DCAF4: variants seen among roughly 807,000 people sequenced by gnomAD.
DCAF4 encodes the protein DDB1- and CUL4-associated factor 4.
A neutral mutation model predicts 60.9 loss-of-function variants in DCAF4; 37 were observed. That is an observed-to-expected ratio of 0.61 (90% CI 0.47 to 0.80). DCAF4 has a LOEUF of 0.80. Ranked by LOEUF, DCAF4 falls within the 30% of genes least tolerant of loss-of-function variation. DCAF4 has a pLI of 0.00. For synonymous variants in DCAF4, 243 were observed against 254.8 expected, an observed-to-expected ratio of 0.95 and a Z score of 0.44; for missense variants, 577 against 650.0, an observed-to-expected ratio of 0.89 and a Z score of 1.22.
intron 7 of DCAF4, 47 bp downstream of exon 7, chr14:72,946,074 G>T: frequency 7.6e-7 from 1 of 1,314,294 alleles, no homozygotes; most frequent in Non-Finnish European, 1.1e-6. Context: ...GACCCTGGGG[G>T]TAGTTGGCCA....
intron 13 of DCAF4, chr14:72,956,938 C>T (rs1055145298): frequency 1.4e-5 from 3 of 212,706 alleles, no homozygotes; most frequent in Non-Finnish European, 1.9e-5. Flanking sequence ...CCCGGCCCGG[C>T]GCGGTGGCTC....
chr14:72,951,538 G>T (rs1304891913), intron 8 of DCAF4, among the ~76,000 whole-genome samples: 1 of 152,148 alleles, frequency 6.6e-6, no homozygotes, highest in Admixed American at 6.5e-5. Flanking sequence ...TTGAACCTGG[G>T]AGGCAGAGGT....
downstream of DCAF4, among the ~76,000 whole-genome samples, chr14:72,961,641 T>C (rs898748305): frequency 2.6e-5 from 4 of 152,260 alleles, no homozygotes; most frequent in African/African-American, 9.6e-5. Flanking sequence ...TGCAGGGTTT[T>C]ATTTCTAGGA....
chr14:72,939,467 G>C (rs1237018128), intron 2 of DCAF4, among the ~76,000 whole-genome samples: 6 of 152,162 alleles, frequency 3.9e-5, no homozygotes, highest in Admixed American at 3.3e-4. Context: ...TGACAAATGA[G>C]CCCAGCTGGT....
At chr14:72,928,865 C>T (rs1888084883) in intron 1 of DCAF4, among the ~76,000 whole-genome samples, 1 of 152,102 alleles carries the variant, frequency 6.6e-6, no homozygotes, top group South Asian at 2.1e-4. Context: ...AGAACAGCCC[C>T]GAGGCCCCCA....
intron 4 of DCAF4, 103 bp from the exon 5 acceptor site, chr14:72,941,642 T>C (rs778924173): frequency 9.4e-7 from 1 of 1,066,420 alleles, no homozygotes; most frequent in Non-Finnish European, 1.4e-6. Flanking sequence ...GCCAATTTAG[T>C]GCCTGTTTCC....
At chr14:72,927,984 C>T (rs1387214442) in intron 1 of DCAF4, among the ~76,000 whole-genome samples, 3 of 151,726 alleles carry the variant, frequency 2.0e-5, no homozygotes, top group South Asian at 2.1e-4. Context: ...TAAGATGGGG[C>T]GGAGGGGTGT....
At chr14:72,953,410 T>C (rs1891702939) in intron 9 of DCAF4, among the ~76,000 whole-genome samples, 1 of 152,042 alleles carries the variant, frequency 6.6e-6, no homozygotes, top group Admixed American at 6.6e-5. Flanking sequence ...TGCAAAAGTT[T>C]ATTTTAAAAA....
intron 1 of DCAF4, among the ~76,000 whole-genome samples, chr14:72,932,085 T>G (rs1217823020): frequency 3.3e-5 from 5 of 151,248 alleles, no homozygotes; most frequent in Non-Finnish European, 7.4e-5. Context: ...GCCTCCCAGG[T>G]TCAAGCGATT....
rs1327466108 is a variant in DCAF4 at position 72,953,763 on chromosome 14, A to ATATATATG, written c.809-401_809-400insTATATATG. Among the ~76,000 whole-genome samples, 48 of 38,134 alleles carry ATATATATG rather than the reference A, an allele frequency of 1.3e-3. 2 individuals carry two copies. Among genetic ancestry groups the ATATATATG allele is most frequent in the African/African-American group, 4.5e-3 (48 of 10,566 alleles). 25.0% of individuals were successfully genotyped at this position (38,134 alleles called of 152,430 possible). On this transcript the variant is annotated intron_variant, in intron 9 of 13. Transcript: ENST00000358377. ...TATATATATATATATATATATATAT[A>ATATATATG]GTTTATTTATTTATTTATTTGTGTG... is the stretch of plus-strand genomic sequence containing the variant.
chr14:72,953,782 T>TG (rs1891878980), intron 9 of DCAF4, among the ~76,000 whole-genome samples: 11 of 41,120 alleles, frequency 2.7e-4, no homozygotes, highest in Non-Finnish European at 4.3e-4. Flanking sequence ...ATTTATTTAT[T>TG]TGTGTGTGTG....
downstream of DCAF4, chr14:72,962,093 C>T (rs1567338075): frequency 1.1e-6 from 1 of 884,904 alleles, no homozygotes; most frequent in Non-Finnish European, 1.4e-6. Context: ...AAATTTGTGT[C>T]TCCAAGTGTG....
At chr14:72,937,349 A>G (rs1272947313) in intron 1 of DCAF4, among the ~76,000 whole-genome samples, 1 of 151,308 alleles carries the variant, frequency 6.6e-6, no homozygotes, top group Non-Finnish European at 1.5e-5. Flanking sequence ...TAGTAAAGGC[A>G]GGTATTTGTG....
In DCAF4 at chr14:72,931,263, C is replaced by CTT. The variant is rs370127536; in HGVS notation, c.-9+4737_-9+4738dup. 8.2e-3 allele frequency among the ~76,000 whole-genome samples: 1,036 copies of CTT among 126,772 alleles called. 40 individuals are homozygous for CTT. Among genetic ancestry groups the CTT allele is most frequent in the African/African-American group, 0.014 (477 of 33,944 alleles). The allele number at this position is 126,772 out of a possible 152,430, so 83.2% of individuals were successfully genotyped here. On this transcript the variant is annotated intron_variant, in intron 1 of 13. Transcript: ENST00000358377. The stretch of plus-strand genomic sequence containing the variant: ...AAATATATTCCTAAGTACTTTTTCT[C>CTT]TTTTTTTTTTTTTTTTTTGTAACTG...
intron 8 of DCAF4, among the ~76,000 whole-genome samples, chr14:72,949,988 G>A (rs1891212394): frequency 6.6e-6 from 1 of 152,094 alleles, no homozygotes; most frequent in Admixed American, 6.5e-5. Context: ...GACCCATGAG[G>A]GCAGGAAGAG....
At chr14:72,953,730 A>ATATATATATAT (rs1179787420) in intron 9 of DCAF4, among the ~76,000 whole-genome samples, 2 of 27,778 alleles carry the variant, frequency 7.2e-5, no homozygotes, top group Non-Finnish European at 1.2e-4. Flanking sequence ...AAAAAAAAAA[A>ATATATATATAT]AAATATATAT....
At chr14:72,928,891 A>T (rs1160605844) in intron 1 of DCAF4, among the ~76,000 whole-genome samples, 2 of 152,168 alleles carry the variant, frequency 1.3e-5, no homozygotes, top group Non-Finnish European at 2.9e-5. Context: ...GAGAGCCCCA[A>T]GGGGAGATGG....
chr14:72,950,100 C>A (rs1277213254), intron 8 of DCAF4, among the ~76,000 whole-genome samples: 3 of 152,220 alleles, frequency 2.0e-5, no homozygotes, highest in Non-Finnish European at 2.9e-5. Context: ...CCTTTCAAGA[C>A]TGAATGCTCG....
intron 9 of DCAF4, among the ~76,000 whole-genome samples, chr14:72,952,461 T>G (rs1891538778): frequency 6.6e-6 from 1 of 152,126 alleles, no homozygotes; most frequent in Admixed American, 6.6e-5. Context: ...TCATGCACAT[T>G]TAGCCCAGTG....
Sources: allele counts gnomAD v4.1 joint callset (sites outside exome capture counted in the v4.1 genomes callset), GRCh38; gene constraint gnomAD v4.1.1; transcripts MANE v1.5; gene names NCBI Gene and HGNC (gene_info 2026-07-23, HGNC 2026-07-21).